The following EBF1 variants were observed in gnomAD, a reference collection of about 807,000 sequenced individuals.
The protein encoded by EBF1 is EBF transcription factor 1, also known as transcription factor COE1.
Under a neutral mutation model 68.4 loss-of-function variants are expected in EBF1, and 10 were observed. That is an observed-to-expected ratio of 0.15 (90% CI 0.09 to 0.25). The LOEUF is 0.25. Among genes scored for constraint, EBF1 ranks in the 10% least tolerant of loss-of-function variants. EBF1 has a pLI of 1.00. For missense variants in EBF1, 509 were observed against 794.4 expected, an observed-to-expected ratio of 0.64 and a Z score of 4.32; for synonymous variants, 298 against 299.8, an observed-to-expected ratio of 0.99 and a Z score of 0.06.
At chr5:158,838,374 A>G (rs938431246) in intron 7 of EBF1, among the ~76,000 whole-genome samples, 1 of 145,276 alleles carries the variant, frequency 6.9e-6, no homozygotes, top group South Asian at 2.4e-4. Context: ...TGAACCCGGG[A>G]GGCAGAGCTT....
chr5:158,872,023 C>A (rs1051078390), intron 6 of EBF1, among the ~76,000 whole-genome samples: 2 of 152,102 alleles, frequency 1.3e-5, no homozygotes, highest in Non-Finnish European at 2.9e-5. Context: ...TATGGAAAGT[C>A]AGTGGAAAGA....
At chr5:158,875,459 G>C (rs1797657833) in intron 6 of EBF1, among the ~76,000 whole-genome samples, 1 of 152,108 alleles carries the variant, frequency 6.6e-6, no homozygotes, top group African/African-American at 2.4e-5. Context: ...ATATACATAA[G>C]CTTTTATTTC....
At chr5:158,958,351 C>T (rs983588924) in intron 6 of EBF1, among the ~76,000 whole-genome samples, 2 of 152,170 alleles carry the variant, frequency 1.3e-5, no homozygotes, top group African/African-American at 4.8e-5. Context: ...CCTGTTAATC[C>T]ATGCAAATCA....
At chr5:158,934,184 T>G (rs527610900) in intron 6 of EBF1, among the ~76,000 whole-genome samples, 1 of 152,336 alleles carries the variant, frequency 6.6e-6, no homozygotes, top group East Asian at 1.9e-4. Flanking sequence ...CAGACTCTCC[T>G]GAATGACTTA....
chr5:159,057,197 C>T (rs1201797134), intron 6 of EBF1, among the ~76,000 whole-genome samples: 1 of 150,964 alleles, frequency 6.6e-6, no homozygotes, highest in Middle Eastern at 3.2e-3. Flanking sequence ...ACCTCCGCCT[C>T]CTGGGTTCAA....
chr5:159,027,768 C>A (rs901613234), intron 6 of EBF1, among the ~76,000 whole-genome samples: 2 of 152,158 alleles, frequency 1.3e-5, no homozygotes, highest in Non-Finnish European at 1.5e-5. Flanking sequence ...TGGTTCCTAC[C>A]CCTCTAGCCG....
At chr5:159,020,338 C>G (rs1355617044) in intron 6 of EBF1, among the ~76,000 whole-genome samples, 1 of 152,142 alleles carries the variant, frequency 6.6e-6, no homozygotes, top group African/African-American at 2.4e-5. Context: ...CTCTAAGTCC[C>G]CTGAGGGTAG....
intron 10 of EBF1, among the ~76,000 whole-genome samples, chr5:158,756,371 G>T (rs536884963): frequency 6.6e-6 from 1 of 151,980 alleles, no homozygotes; most frequent in African/African-American, 2.4e-5. Flanking sequence ...GGAGAGTCTA[G>T]ATCAATGGAT....
intron 10 of EBF1, among the ~76,000 whole-genome samples, chr5:158,754,808 A>G (rs1769695870): frequency 2.0e-5 from 3 of 152,170 alleles, no homozygotes; most frequent in Admixed American, 2.0e-4. Context: ...TGCTCTAAAC[A>G]AAAGTATTTA....
At chr5:158,760,663 T>C (rs1363934025) in intron 10 of EBF1, among the ~76,000 whole-genome samples, 2 of 152,166 alleles carry the variant, frequency 1.3e-5, no homozygotes, top group Non-Finnish European at 2.9e-5. Context: ...GAAGGAATGC[T>C]GTTCTTTCTT....
chr5:158,906,180 G>A (rs1804549029), intron 6 of EBF1, among the ~76,000 whole-genome samples: 1 of 151,694 alleles, frequency 6.6e-6, no homozygotes, highest in Non-Finnish European at 1.5e-5. Context: ...CTCTTTGCCA[G>A]TATGAGTGTT....
At chr5:158,768,563 C>T (rs1407096454) in intron 10 of EBF1, among the ~76,000 whole-genome samples, 1 of 151,962 alleles carries the variant, frequency 6.6e-6, no homozygotes, top group Non-Finnish European at 1.5e-5. Flanking sequence ...TTGGTGCTTC[C>T]TAAATGATCT....
chr5:158,955,825 G>A (rs926809930), intron 6 of EBF1, among the ~76,000 whole-genome samples: 2 of 152,294 alleles, frequency 1.3e-5, no homozygotes, highest in African/African-American at 2.4e-5. Context: ...ATTGAGGGGA[G>A]TCACAAGAAG....
chr5:159,057,864 A>G (rs1480180539), intron 6 of EBF1, among the ~76,000 whole-genome samples: 1 of 152,228 alleles, frequency 6.6e-6, no homozygotes, highest in Admixed American at 6.5e-5. Flanking sequence ...TTCATTCTCC[A>G]TATTTGTGAA....
At chr5:158,933,861 A>G (rs975529041) in intron 6 of EBF1, among the ~76,000 whole-genome samples, 1 of 152,224 alleles carries the variant, frequency 6.6e-6, no homozygotes, top group South Asian at 2.1e-4. Context: ...CAAATGAATA[A>G]ATTGAAAGCA....
At chr5:159,022,250 AG>A (rs1365532195) in intron 6 of EBF1, among the ~76,000 whole-genome samples, 1 of 152,178 alleles carries the variant, frequency 6.6e-6, no homozygotes, top group African/African-American at 2.4e-5. Flanking sequence ...GCATAATTAA[AG>A]CTTACAGAAC....
intron 6 of EBF1, among the ~76,000 whole-genome samples, chr5:158,904,400 T>C (rs1238166073): frequency 8.5e-5 from 13 of 152,182 alleles, no homozygotes; most frequent in Admixed American, 7.9e-4. Context: ...TGTTTTCTTG[T>C]GTTGCAAGCC....
At chr5:158,988,764 A>C (rs762995169) in intron 6 of EBF1, among the ~76,000 whole-genome samples, 3 of 152,222 alleles carry the variant, frequency 2.0e-5, no homozygotes, top group Non-Finnish European at 4.4e-5. Context: ...CCCCTAGCTG[A>C]TGCGAAGGAG....
chr5:158,720,218 A>G (rs1251526849), intron 11 of EBF1, among the ~76,000 whole-genome samples: 1 of 152,054 alleles, frequency 6.6e-6, no homozygotes, highest in African/African-American at 2.4e-5. Context: ...TGATGTGTGC[A>G]TTCAGCTCCT....
Sources: gnomAD v4.1 joint callset for allele counts (sites outside exome capture counted in the v4.1 genomes callset) on GRCh38, gnomAD v4.1.1 for gene constraint, MANE v1.5 for transcripts, NCBI Gene and HGNC (gene_info 2026-07-23, HGNC 2026-07-21) for gene names.